SCHIP1: variants seen among roughly 807,000 people sequenced by gnomAD.
SCHIP1 encodes schwannomin interacting protein 1.
SCHIP1 carries 8 observed loss-of-function variants against 29.7 expected under a neutral mutation model. That is an observed-to-expected ratio of 0.27 (90% CI 0.16 to 0.49). SCHIP1 has a LOEUF of 0.49. Ranked by LOEUF, SCHIP1 falls within the 20% of genes least tolerant of loss-of-function variation. SCHIP1 has a pLI of 0.99. For missense variants in SCHIP1, 193 were observed against 294.6 expected, an observed-to-expected ratio of 0.66 and a Z score of 2.52; for synonymous variants, 76 against 94.9, an observed-to-expected ratio of 0.80 and a Z score of 1.16.
chr3:159,576,828 G>C, the SCHIP1 span, among the ~76,000 whole-genome samples: 35 of 152,186 alleles, frequency 2.3e-4, no homozygotes, highest in African/African-American at 7.9e-4. Context: ...TACTAAGATA[G>C]GCAACTAACC....
the SCHIP1 span, among the ~76,000 whole-genome samples, chr3:159,429,750 A>G: frequency 1.3e-5 from 2 of 152,168 alleles, no homozygotes; most frequent in Non-Finnish European, 2.9e-5. Context: ...TAAAATAAAT[A>G]CTTCACTGCC....
the SCHIP1 span, among the ~76,000 whole-genome samples, chr3:159,697,076 G>A: frequency 6.6e-6 from 1 of 152,158 alleles, no homozygotes; most frequent in Non-Finnish European, 1.5e-5. Flanking sequence ...AGTGGTCACT[G>A]TGGCTGCCCA....
At chr3:159,494,955 C>G in the SCHIP1 span, among the ~76,000 whole-genome samples, 1 of 152,086 alleles carries the variant, frequency 6.6e-6, no homozygotes, top group Non-Finnish European at 1.5e-5. Context: ...GTTCAACATA[C>G]CAAAATCAAT....
At chr3:159,853,294 T>G in intron 1 of SCHIP1, 1 of 616,582 alleles carries the variant, frequency 1.6e-6, no homozygotes, top group Non-Finnish European at 2.9e-6. Context: ...GTATGAGCAG[T>G]AACCAGGGAA....
the SCHIP1 span, among the ~76,000 whole-genome samples, chr3:159,363,639 C>A: frequency 1.3e-5 from 2 of 152,154 alleles, no homozygotes; most frequent in African/African-American, 4.8e-5. Flanking sequence ...ACCCACCAAC[C>A]CAATCACTCT....
chr3:159,500,784 G>A, the SCHIP1 span, among the ~76,000 whole-genome samples: 1 of 151,608 alleles, frequency 6.6e-6, no homozygotes, highest in African/African-American at 2.4e-5. Flanking sequence ...CAAATTCTTG[G>A]TACCCTTTTA....
the SCHIP1 span, among the ~76,000 whole-genome samples, chr3:159,433,645 C>T: frequency 6.6e-6 from 1 of 152,066 alleles, no homozygotes; most frequent in Non-Finnish European, 1.5e-5. Context: ...TTGACACAGT[C>T]GAAATTAATT....
chr3:159,432,332 GT>G, the SCHIP1 span, among the ~76,000 whole-genome samples: 1 of 86,944 alleles, frequency 1.2e-5, no homozygotes, highest in Admixed American at 1.2e-4. Flanking sequence ...GTGTGTGTGT[GT>G]GTGTGTGAGA....
intron 6 of SCHIP1, chr3:159,892,925 C>A (rs1255889815): frequency 1.3e-5 from 2 of 152,202 alleles, no homozygotes; most frequent in Non-Finnish European, 2.9e-5. Flanking sequence ...CATATGGAAT[C>A]TTTAAACCAA....
At chr3:159,516,255 A>G in the SCHIP1 span, among the ~76,000 whole-genome samples, 1 of 152,098 alleles carries the variant, frequency 6.6e-6, no homozygotes, top group Non-Finnish European at 1.5e-5. Context: ...ATCTGTCTAT[A>G]TGGACATCAA....
At chr3:159,723,940 T>C in the SCHIP1 span, among the ~76,000 whole-genome samples, 1 of 152,232 alleles carries the variant, frequency 6.6e-6, no homozygotes, top group Non-Finnish European at 1.5e-5. Flanking sequence ...GAATAATTCT[T>C]AGAATTGGGA....
chr3:159,886,695 G>C (rs1371988914), intron 3 of SCHIP1: 1 of 206,034 alleles, frequency 4.9e-6, no homozygotes, highest in Middle Eastern at 1.9e-3. Flanking sequence ...GTTCAAGGCT[G>C]CAGTGAGCTA....
chr3:159,346,281 T>TAAAAA, the SCHIP1 span, among the ~76,000 whole-genome samples: 5 of 125,456 alleles, frequency 4.0e-5, no homozygotes, highest in Non-Finnish European at 8.5e-5. Context: ...TTTTTTTTCT[T>TAAAAA]AAAAAAAAAA....
At chr3:159,349,963 G>A in the SCHIP1 span, among the ~76,000 whole-genome samples, 1 of 152,110 alleles carries the variant, frequency 6.6e-6, no homozygotes, top group African/African-American at 2.4e-5. Context: ...AGGTGGGTCA[G>A]TATTTGGTGA....
the SCHIP1 span, among the ~76,000 whole-genome samples, chr3:159,587,273 CA>C: frequency 2.0e-5 from 3 of 151,992 alleles, no homozygotes; most frequent in Non-Finnish European, 4.4e-5. Flanking sequence ...TCTTGAAATA[CA>C]ATTTTCTTTT....
At chr3:159,828,443 A>ATATATATACGTATATATATATG in the SCHIP1 span, among the ~76,000 whole-genome samples, 5 of 100,488 alleles carry the variant, frequency 5.0e-5, no homozygotes, top group African/African-American at 2.4e-4. Flanking sequence ...ATATATACGT[A>ATATATATACGTATATATATATG]TATATATACG....
the SCHIP1 span, among the ~76,000 whole-genome samples, chr3:159,499,197 A>G: frequency 1.3e-5 from 2 of 152,216 alleles, no homozygotes; most frequent in South Asian, 2.1e-4. Context: ...CTCATACCAT[A>G]TATTAAATAG....
At chr3:159,380,115 G>C in the SCHIP1 span, among the ~76,000 whole-genome samples, 1 of 152,186 alleles carries the variant, frequency 6.6e-6, no homozygotes, top group Non-Finnish European at 1.5e-5. Context: ...GTAATGCTGA[G>C]TAAAGTTGCC....
chr3:159,281,073 A>G, the SCHIP1 span, among the ~76,000 whole-genome samples: 2 of 152,138 alleles, frequency 1.3e-5, no homozygotes, highest in Non-Finnish European at 2.9e-5. Flanking sequence ...CCTACTGAAG[A>G]TCACAGGACC....
Sources: gnomAD v4.1 joint callset for allele counts (sites outside exome capture counted in the v4.1 genomes callset) on GRCh38, gnomAD v4.1.1 for gene constraint, MANE v1.5 for transcripts, NCBI Gene and HGNC (gene_info 2026-07-23, HGNC 2026-07-21) for gene names.